Variants in POLQ observed in about 807,000 individuals in gnomAD.
POLQ encodes the protein DNA polymerase theta.
POLQ carries 233 observed loss-of-function variants against 259.2 expected under a neutral mutation model. The ratio of observed to expected loss-of-function variants is 0.90; its 90% CI spans 0.81 to 1.00. The LOEUF is 1.00. Among genes scored for constraint, POLQ ranks in the 50% least tolerant of loss-of-function variants. The pLI is 0.00. For missense variants in POLQ, 2,871 were observed against 3,051.6 expected (o/e 0.94, Z 1.39); for synonymous variants, 1,025 against 1,048.8 (o/e 0.98, Z 0.44).
intron 16 of POLQ, among the ~76,000 whole-genome samples, chr3:121,486,061 C>T (rs2108796478): frequency 6.6e-6 from 1 of 152,298 alleles, no homozygotes; most frequent in African/African-American, 2.4e-5. Flanking sequence ...TCAACTCTCT[C>T]AAAACCTGGA....
At chr3:121,436,760 G>A (rs1377121436) in intron 27 of POLQ, among the ~76,000 whole-genome samples, 1 of 151,806 alleles carries the variant, frequency 6.6e-6, no homozygotes, top group Non-Finnish European at 1.5e-5. Context: ...GGAGCCCTCT[G>A]ATGTGAATCA....
At chr3:121,492,388 C>T (rs2048075842) in intron 15 of POLQ, among the ~76,000 whole-genome samples, 1 of 152,100 alleles carries the variant, frequency 6.6e-6, no homozygotes. Flanking sequence ...CTAGCCCATT[C>T]AATAAATTGG....
At chr3:121,512,914 T>C (rs1223245381) in intron 9 of POLQ, among the ~76,000 whole-genome samples, 1 of 152,236 alleles carries the variant, frequency 6.6e-6, no homozygotes, top group Non-Finnish European at 1.5e-5. Context: ...CAACATTTAC[T>C]AATCTAAATG....
At chr3:121,509,762 A>G in intron 11 of POLQ, 59 bp from the exon 12 acceptor site, 2 of 1,494,360 alleles carry the variant, frequency 1.3e-6, no homozygotes, top group Non-Finnish European at 1.8e-6. Context: ...AAATAAAACA[A>G]AATACTATCT....
chr3:121,457,426 C>G (rs572408375), intron 25 of POLQ, among the ~76,000 whole-genome samples: 1 of 152,292 alleles, frequency 6.6e-6, no homozygotes, highest in African/African-American at 2.4e-5. Flanking sequence ...GCAAAAGAAG[C>G]TACCATCAGA....
At chr3:121,499,620 G>A (rs1053150402) in intron 12 of POLQ, among the ~76,000 whole-genome samples, 4 of 152,064 alleles carry the variant, frequency 2.6e-5, no homozygotes, top group African/African-American at 4.8e-5. Context: ...ACAATCTTAA[G>A]TATTCTGAGT....
intron 28 of POLQ, among the ~76,000 whole-genome samples, chr3:121,433,592 T>C (rs926945439): frequency 6.6e-6 from 1 of 152,232 alleles, no homozygotes; most frequent in Admixed American, 6.5e-5. Flanking sequence ...CTTGCAGTTA[T>C]ATGTAAGAGT....
At chr3:121,462,697 A>C (rs2047801897) in intron 24 of POLQ, among the ~76,000 whole-genome samples, 1 of 152,218 alleles carries the variant, frequency 6.6e-6, no homozygotes, top group Non-Finnish European at 1.5e-5. Context: ...ATGCTGAGAA[A>C]TGATCAAGCT....
rs1396341679 is a variant in POLQ, at chr3:121,541,504, T to A, written c.344-25A>T. The A allele has an allele frequency of 1.9e-6, 3 of 1,571,786 alleles. No individual in the cohort carries two copies. In the Admixed American group the frequency reaches 5.9e-5, roughly 31 times the overall value. ...GCTAAAACATGATTATTCCACAAGATTATAAGAAAAAAGTAATATTCGGTA... is the reference window on the plus strand; with the variant it reads ...GCTAAAACATGATTATTCCACAAGAATATAAGAAAAAAGTAATATTCGGTA... On this transcript the variant is annotated intron_variant, in intron 2 of 29. Coordinates refer to ENST00000264233, the MANE Select transcript of POLQ (RefSeq NM_199420.4).
Position 121,487,958 on chromosome 3 carries a change from A to G in POLQ, c.4973T>C (p.Leu1658Pro). 1 of 1,604,514 alleles carries G rather than the reference A, an allele frequency of 6.2e-7. No individual in the cohort carries two copies. Among genetic ancestry groups the G allele is most frequent in the Non-Finnish European group, 8.5e-7 (1 of 1,177,348 alleles). ...KVSSPLENEK[L>P]KSMTINFSSL... ...GGAAAAGTTTATAGTCATTGATTTTAGCTTTTCATTTTCTAGAGGACTGGA... is the reference window on the plus strand; with the variant it reads ...GGAAAAGTTTATAGTCATTGATTTTGGCTTTTCATTTTCTAGAGGACTGGA... Residue 1658 changes from leucine (L) to proline (P), a missense_variant, in exon 16 of 30, where the codon CTA becomes CCA. By Grantham distance (98) the Leu-to-Pro change is moderately conservative. Transcript: ENST00000264233.
At chr3:121,468,863 T>C (rs1165747846) in intron 22 of POLQ, among the ~76,000 whole-genome samples, 1 of 152,216 alleles carries the variant, frequency 6.6e-6, no homozygotes, top group Admixed American at 6.5e-5. Flanking sequence ...TTCTTCATCA[T>C]TGTCATTCAT....
At chr3:121,494,778 C>G (rs2048101993) in intron 14 of POLQ, 1 of 1,496,814 alleles carries the variant, frequency 6.7e-7, no homozygotes, top group African/African-American at 1.4e-5. Context: ...GTTATCAGGA[C>G]CAATTACAAC....
At chr3:121,476,810 G>A in intron 19 of POLQ, 77 bp from the exon 20 acceptor site, 1 of 964,814 alleles carries the variant, frequency 1.0e-6, no homozygotes, top group Non-Finnish European at 1.5e-6. Flanking sequence ...AAACTATACA[G>A]AATTCATCTA....
At chr3:121,461,583 G>A (rs1376511632) in intron 24 of POLQ, among the ~76,000 whole-genome samples, 1 of 151,286 alleles carries the variant, frequency 6.6e-6, no homozygotes, top group Non-Finnish European at 1.5e-5. Flanking sequence ...CCAGGGAGTT[G>A]GAGGTTGCAG....
At chr3:121,525,355 AAAAC>A (rs763651254) in intron 7 of POLQ, among the ~76,000 whole-genome samples, 3 of 94,240 alleles carry the variant, frequency 3.2e-5, no homozygotes, top group Middle Eastern at 6.7e-3. Context: ...AAAAAAAAAG[AAAAC>A]AAAAAAGAGA....
rs2048243890 is a variant in POLQ at position 121,510,238 on chromosome 3, T to A, written c.1617A>T (p.Ile539=). The change falls in exon 11 of 30, where the codon ATA becomes ATT. Residue 539 remains isoleucine, a synonymous_variant. Transcript: ENST00000264233. The part of the protein sequence containing the change: ...GSMIRAILEI[I]VGGVASTSQD... ...GTGATGTACTTGCCACTCCACCAACTATTATCTGAAAGAAGATATTTGGAA... is the reference window on the plus strand; with the variant it reads ...GTGATGTACTTGCCACTCCACCAACAATTATCTGAAAGAAGATATTTGGAA... 6.2e-7 allele frequency: 1 copy of A among 1,607,370 alleles called. No homozygotes were observed. The highest frequency in any genetic ancestry group is 1.7e-5 in the Admixed American group (1 of 59,818).
chr3:121,489,261 T>G lies in POLQ; in HGVS notation c.3670A>C (p.Ser1224Arg). ...TTTGAGTCTCTATTTATGTAACTAC[T>G]GACTGCTTCACAGGGCATTTGTCTC... is the stretch of plus-strand genomic sequence containing the variant. ...IERQMPCEAV[S>R]SYINRDSNVT... Residue 1224 changes from serine to arginine, a missense_variant, in exon 16 of 30, where the codon AGT becomes CGT. Ser to Arg is a moderately radical substitution (Grantham distance 110). This residue lies in a region of POLQ where 2,080 missense variants were observed against 2,126.0 expected (regional missense o/e 0.98). Transcript: ENST00000264233. The G allele has an allele frequency of 6.2e-7, 1 of 1,613,500 alleles. No individual in the cohort carries two copies. The highest frequency in any genetic ancestry group is 8.5e-7 in the Non-Finnish European group (1 of 1,179,622).
chr3:121,473,695 C>T (rs2047903583), intron 20 of POLQ, among the ~76,000 whole-genome samples: 19 of 149,048 alleles, frequency 1.3e-4, no homozygotes, highest in Admixed American at 1.3e-3. Flanking sequence ...TCTAATTAGA[C>T]ACTATCAGAT....
chr3:121,540,126 G>A (rs1006747339), intron 3 of POLQ, among the ~76,000 whole-genome samples: 5 of 150,660 alleles, frequency 3.3e-5, no homozygotes, highest in South Asian at 2.1e-4. Flanking sequence ...TCATCATTTC[G>A]TTACTTTGGG....
Sources: gnomAD v4.1 joint callset for allele counts (sites outside exome capture counted in the v4.1 genomes callset) on GRCh38, gnomAD v4.1.1 for gene constraint, gnomAD v4.1.1 regional missense constraint, MANE v1.5 for transcripts, NCBI Gene and HGNC (gene_info 2026-07-23, HGNC 2026-07-21) for gene names.